The following SPTBN5 variants were observed in gnomAD, a reference collection of about 807,000 sequenced individuals.
SPTBN5 encodes spectrin beta chain, non-erythrocytic 5.
SPTBN5 carries 513 observed loss-of-function variants against 477.6 expected under a neutral mutation model. The ratio of observed to expected loss-of-function variants is 1.07; its 90% CI spans 1.00 to 1.16. The LOEUF (loss-of-function observed/expected upper bound fraction) is 1.16, where lower values mean the gene tolerates loss of function less well. Among genes scored for constraint, SPTBN5 ranks in the 50% most tolerant of loss-of-function variants. The pLI is 0.00. For synonymous variants in SPTBN5, 2,169 were observed against 2,011.7 expected (o/e 1.08, Z -2.09); for missense variants, 5,062 against 4,731.8 (o/e 1.07, Z -2.05).
Position 41,863,790 on chromosome 15 carries a change from G to A in SPTBN5, c.7063C>T (p.Arg2355Trp), listed in dbSNP as rs376747036. The A allele has an allele frequency of 3.0e-5, 48 of 1,613,818 alleles. No individual in the cohort carries two copies. The highest frequency in any genetic ancestry group is 2.5e-4 in the South Asian group (23 of 91,080). ...GCCCCTTCGAGCTGCTGCTGGTACC[G>A]GAGCAAGTTGCCATGGAAACTCGCC... ...RWASFHGNLL[R>W]YQQQLEGALE... is the part of the protein sequence containing the mutation. Residue 2355 changes from arginine (R) to tryptophan (W), a missense_variant, in exon 41 of 68, where the codon CGG (arginine) becomes TGG (tryptophan). Coordinates refer to ENST00000320955, the MANE Select transcript of SPTBN5 (RefSeq NM_016642.4).
intron 64 of SPTBN5, 46 bp downstream of exon 64, chr15:41,851,237 C>A (rs376951880): frequency 2.9e-4 from 452 of 1,556,548 alleles, no homozygotes; most frequent in Non-Finnish European, 3.5e-4. Context: ...CTCTGCCTTG[C>A]TTCCCAGCAC....
At position 41,861,730 on chromosome 15, in the gene SPTBN5, C is replaced by G; in HGVS notation, c.7737+5G>C. 1 of 1,539,862 alleles carries G rather than the reference C, an allele frequency of 6.5e-7. No homozygotes were observed. The highest frequency in any genetic ancestry group is 8.7e-7 in the Non-Finnish European group (1 of 1,146,466). On this transcript the variant is annotated splice_donor_5th_base_variant and intron_variant, in intron 45 of 67. Coordinates refer to ENST00000320955, the MANE Select transcript of SPTBN5 (RefSeq NM_016642.4). ...GATGCAGGCTGGGGATGGGACTGTGCCTGCCTGTAGCTCCAGGGCCTGCTG... is the reference window on the plus strand; with the variant it reads ...GATGCAGGCTGGGGATGGGACTGTGGCTGCCTGTAGCTCCAGGGCCTGCTG...
chr15:41,868,686 C>G (rs563523251), intron 32 of SPTBN5, 85 bp from the exon 33 acceptor site: 1 of 1,411,112 alleles, frequency 7.1e-7, no homozygotes, highest in East Asian at 2.3e-5. Context: ...TGCAGCCCAC[C>G]TGAGTCCACT....
In SPTBN5 at chr15:41,874,302, C is replaced by T. The variant is rs12593397; in HGVS notation, c.4679G>A (p.Arg1560His). The T allele has an allele frequency of 0.43, 699,152 of 1,609,496 alleles. 159,593 individuals carry two copies. Among genetic ancestry groups the T allele is most frequent in the East Asian group, 0.72 (32,200 of 44,802 alleles). The change falls in exon 24 of 68, where the codon CGC (arginine) becomes CAC (histidine). Residue 1560 changes from arginine to histidine, a missense_variant. Physicochemically the swap from Arg to His is conservative, Grantham distance 29. Coordinates refer to ENST00000320955, the MANE Select transcript of SPTBN5 (RefSeq NM_016642.4). ...GAAGAGGGCTATTACCTTGTGCTTG[C>T]GGTGAAGGCTCTGGGCACCATTCAA... ...ECLNGAQSLH[R>H]KHKELQVEVK...
Position 41,860,673 on chromosome 15 carries a change from G to A in SPTBN5, c.7901C>T (p.Ala2634Val). Reference protein sequence around the residue: ...DLEVQAGKISALEATARGLHQ... With the variant: ...DLEVQAGKISVLEATARGLHQ... ...CAGGCCGCGGGCCGTGGCCTCCAGA[G>A]CACTGATCTTTCCCGCCTGCACCTC... Residue 2634 changes from alanine to valine, a missense_variant, in exon 47 of 68, where the codon GCT becomes GTT. Coordinates refer to ENST00000320955, the MANE Select transcript of SPTBN5 (RefSeq NM_016642.4). The A allele has an allele frequency of 3.2e-6, 5 of 1,582,490 alleles. No homozygotes were observed. The highest frequency in any genetic ancestry group is 3.4e-6 in the Non-Finnish European group (4 of 1,164,864).
At chr15:41,850,648 C>G (rs1366074244) in intron 66 of SPTBN5, 5 of 580,616 alleles carry the variant, frequency 8.6e-6, no homozygotes, top group Non-Finnish European at 1.5e-5. Context: ...CTGGCCCCAT[C>G]TCTGCTAATT....
chr15:41,893,126 C>A, intron 2 of SPTBN5, 65 bp from the exon 3 acceptor site: 8 of 1,582,388 alleles, frequency 5.1e-6, no homozygotes, highest in Non-Finnish European at 6.9e-6. Flanking sequence ...ATCCTGGGAC[C>A]TGAGAGGTAC....
At chr15:41,876,776 T>G (rs767887232) in intron 19 of SPTBN5, 33 bp downstream of exon 19, 1 of 1,604,714 alleles carries the variant, frequency 6.2e-7, no homozygotes, top group Non-Finnish European at 8.5e-7. Context: ...GAAAGGGTCA[T>G]CTGCAGGTGC....
chr15:41,874,006 G>T lies in SPTBN5; in HGVS notation c.4729C>A (p.Gln1577Lys). The T allele has an allele frequency of 1.2e-6, 2 of 1,602,406 alleles. No individual in the cohort carries two copies. The highest frequency in any genetic ancestry group is 1.7e-6 in the Non-Finnish European group (2 of 1,179,504). The change falls in exon 25 of 68, where the codon CAA becomes AAA. Residue 1577 changes from glutamine to lysine, a missense_variant. By Grantham distance (53) the Gln-to-Lys change is moderately conservative. Coordinates refer to ENST00000320955, the MANE Select transcript of SPTBN5 (RefSeq NM_016642.4). ...CTCCGCCCAGAACTCAGCACCCGTT[G>T]CACCTGCCCCTGGTGAGCTTTTACC... ...VEVKAHQGQV[Q>K]RVLSSGRSLA...
At chr15:41,871,253 C>T (rs1341014611) in intron 29 of SPTBN5, 122 bp downstream of exon 29, 1 of 1,177,578 alleles carries the variant, frequency 8.5e-7, no homozygotes, top group Non-Finnish European at 1.1e-6. Flanking sequence ...CCTGCAGAGC[C>T]CCGTGGGCAG....
intron 52 of SPTBN5, 35 bp downstream of exon 52, chr15:41,856,818 T>C: frequency 2.6e-6 from 4 of 1,523,638 alleles, no homozygotes; most frequent in Non-Finnish European, 3.5e-6. Context: ...GCCCTGCTCA[T>C]GTGCGAGGCC....
chr15:41,882,552 G>C (rs986438052), intron 10 of SPTBN5, 33 bp downstream of exon 10: 1 of 1,595,542 alleles, frequency 6.3e-7, no homozygotes, highest in African/African-American at 1.3e-5. Flanking sequence ...GCAAGGCGCT[G>C]GCGACCGGCG....
Position 41,850,931 on chromosome 15 carries a change from C to T in SPTBN5, c.10844G>A (p.Ser3615Asn), listed in dbSNP as rs555767020. The change falls in exon 66 of 68, where the codon AGT (serine) becomes AAT (asparagine). Residue 3615 changes from serine to asparagine, a missense_variant. Transcript: ENST00000320955. ...TGCTGCAAACAGGATCTCTGCCCCACTGGTCAGCCTGGCACCCACAGTCAC... is the reference window on the plus strand; with the variant it reads ...TGCTGCAAACAGGATCTCTGCCCCATTGGTCAGCCTGGCACCCACAGTCAC... ...RKHTFSLRLT[S>N]GAEILFAAPS... is the part of the protein sequence containing the mutation. 3.8e-6 allele frequency: 6 copies of T among 1,577,928 alleles called. No homozygotes were observed. In the South Asian group the frequency reaches 5.7e-5, roughly 15 times the overall value.
At chr15:41,870,162 G>A in intron 31 of SPTBN5, 81 bp downstream of exon 31, 2 of 1,487,302 alleles carry the variant, frequency 1.3e-6, no homozygotes, top group Admixed American at 2.1e-5. Context: ...CTGAGGGACA[G>A]TGGAAAATCT....
In SPTBN5 at chr15:41,876,656, C is replaced by CGGGGGGGGGGGG. The variant is rs371773496; in HGVS notation, c.3852-10_3852-9insCCCCCCCCCCCC. The CGGGGGGGGGGGG allele has an allele frequency of 1.4e-6, 1 of 703,390 alleles. No homozygotes were observed. Among genetic ancestry groups the CGGGGGGGGGGGG allele is most frequent in the South Asian group, 1.8e-5 (1 of 56,950 alleles). 43.6% of individuals were successfully genotyped at this position (703,390 alleles called of 1,614,324 possible). On this transcript the variant is annotated splice_polypyrimidine_tract_variant and intron_variant, in intron 19 of 67. Transcript: ENST00000320955. ...GCAGCTGCTCTCTGACCCTGGAGGG[C>CGGGGGGGGGGGG]GGGGGGGGGTTGGAGGAGGGCATGG...
chr15:41,864,517 T>C (rs1168698294), intron 39 of SPTBN5, among the ~76,000 whole-genome samples: 1 of 152,258 alleles, frequency 6.6e-6, no homozygotes, highest in African/African-American at 2.4e-5. Context: ...TTTCACCATG[T>C]TGGCCAGGCT....
Position 41,886,085 on chromosome 15 carries a change from G to A in SPTBN5, c.1170C>T (p.Gly390=). 5 of 1,605,416 alleles carry A rather than the reference G, an allele frequency of 3.1e-6. No homozygotes were observed. The highest frequency in any genetic ancestry group is 4.3e-6 in the Non-Finnish European group (5 of 1,175,658). ...QNRRPFLPHE[G]LGLAELSQCW... is the part of the protein sequence containing the mutation. ...ACTGGGACAGCTCTGCAAGGCCCAGGCCCTCATGAGGCAGGAAGGGCCTGC... is the reference window on the plus strand; with the variant it reads ...ACTGGGACAGCTCTGCAAGGCCCAGACCCTCATGAGGCAGGAAGGGCCTGC... The change falls in exon 7 of 68, where the codon GGC becomes GGT. Residue 390 remains glycine (G), a synonymous_variant. Coordinates refer to ENST00000320955, the MANE Select transcript of SPTBN5 (RefSeq NM_016642.4).
At chr15:41,874,243 G>A in intron 24 of SPTBN5, 49 bp downstream of exon 24, 1 of 1,572,686 alleles carries the variant, frequency 6.4e-7, no homozygotes, top group Non-Finnish European at 8.6e-7. Flanking sequence ...GGTTTCTAAG[G>A]TCTGGGAAGC....
chr15:41,887,940 A>G lies in SPTBN5; in HGVS notation c.647T>C (p.Ile216Thr). Residue 216 changes from isoleucine (I) to threonine (T), a missense_variant, in exon 5 of 68, where the codon ATC becomes ACC. Physicochemically the swap from Ile to Thr is moderately conservative, Grantham distance 89 (BLOSUM62 -1). Transcript: ENST00000320955. ...WSDGLGFNAL[I>T]HAHRPDLLDY... is the part of the protein sequence containing the mutation. ...GGTGGGGTCACACCTGTGGGCATGGATGAGGGCATTGAAGCCCAGCCCATC... is the reference window on the plus strand; with the variant it reads ...GGTGGGGTCACACCTGTGGGCATGGGTGAGGGCATTGAAGCCCAGCCCATC... 1 of 1,609,940 alleles carries G rather than the reference A, an allele frequency of 6.2e-7. No individual in the cohort carries two copies. The highest frequency in any genetic ancestry group is 2.2e-5 in the East Asian group (1 of 44,816).
Sources: allele counts gnomAD v4.1 joint callset (sites outside exome capture counted in the v4.1 genomes callset), GRCh38; gene constraint gnomAD v4.1.1; transcripts MANE v1.5; gene names NCBI Gene and HGNC (gene_info 2026-07-23, HGNC 2026-07-21).